The following MYZAP variants were observed in gnomAD, a reference collection of about 807,000 sequenced individuals.
MYZAP encodes the protein GRINL1A complex locus upstream.
MYZAP carries 66 observed loss-of-function variants against 69.4 expected under a neutral mutation model. The ratio of observed to expected loss-of-function variants is 0.95; its 90% confidence interval spans 0.78 to 1.17. The LOEUF (loss-of-function observed/expected upper bound fraction) is 1.17. MYZAP is among the 50% of genes most tolerant of loss of function. The pLI is 0.00. For synonymous variants in MYZAP, 256 were observed against 205.9 expected (o/e 1.24, Z -2.09); for missense variants, 611 against 556.2 (o/e 1.10, Z -0.99).
rs1226990477 is a variant in MYZAP, at chr15:57,684,716, C to T, written c.*218C>T. 6 of 443,828 alleles carry T rather than the reference C, an allele frequency of 1.4e-5. No homozygotes were observed. Among genetic ancestry groups the T allele is most frequent in the Admixed American group, 8.1e-5 (2 of 24,780 alleles). 27.5% of individuals were successfully genotyped at this position (443,828 alleles called of 1,614,324 possible). A position where few individuals can be genotyped will look rare whatever the true frequency, so the allele number is the denominator to read the frequency against. ...CAAGGTCACATTTCAGACACCCACT[C>T]GGCATACCCTGCCGTACTGCATCAT... On this transcript the variant is annotated 3_prime_UTR_variant, in exon 13 of 13. Transcript: ENST00000267853.
chr15:57,592,069 C>G lies in MYZAP; in HGVS notation c.35C>G (p.Ser12Trp). The G allele has an allele frequency of 1.4e-6, 2 of 1,393,282 alleles. No homozygotes were observed. Among genetic ancestry groups the G allele is most frequent in the Non-Finnish European group, 1.9e-6 (2 of 1,077,264 alleles). 86.3% of individuals were successfully genotyped at this position (1,393,282 alleles called of 1,614,324 possible). ...LRSTSTVTLL[S>W]GGAARTPGAP... ...TCCACGTCCACGGTCACCCTGCTCT[C>G]GGGCGGCGCCGCCAGGACGCCCGGG... The change falls in exon 1 of 13, where the codon TCG becomes TGG. Residue 12 changes from serine to tryptophan, a missense_variant. Ser to Trp is a radical substitution (Grantham distance 177, BLOSUM62 -3). Coordinates refer to ENST00000267853, the MANE Select transcript of MYZAP (RefSeq NM_001018100.5).
At chr15:57,621,205 C>CTTTTTTT (rs61201214) in intron 3 of MYZAP, among the ~76,000 whole-genome samples, 71 of 127,286 alleles carry the variant, frequency 5.6e-4, no homozygotes, top group Middle Eastern at 4.5e-3. Context: ...CTTTCTTTTT[C>CTTTTTTT]TTTTTTTTTT....
At chr15:57,666,169 C>T (rs778685604) in intron 11 of MYZAP, among the ~76,000 whole-genome samples, 34 of 152,202 alleles carry the variant, frequency 2.2e-4, no homozygotes, top group Non-Finnish European at 3.7e-4. Flanking sequence ...TTGGGCAAAT[C>T]ATGCCACCAA....
intron 10 of MYZAP, among the ~76,000 whole-genome samples, chr15:57,658,627 A>G (rs573449631): frequency 6.6e-6 from 1 of 152,300 alleles, no homozygotes; most frequent in African/African-American, 2.4e-5. Context: ...GCTTGATTAG[A>G]TCAAGTTTCA....
intron 2 of MYZAP, among the ~76,000 whole-genome samples, chr15:57,607,492 C>T (rs1465228070): frequency 6.6e-6 from 1 of 152,112 alleles, no homozygotes; most frequent in African/African-American, 2.4e-5. Context: ...TTACTGAGCC[C>T]TCATATGCAA....
chr15:57,680,750 G>T (rs186200356), intron 12 of MYZAP: 1 of 152,200 alleles, frequency 6.6e-6, no homozygotes, highest in Non-Finnish European at 1.5e-5. Context: ...GGTGCAATAT[G>T]ATGAAAAATA....
At chr15:57,650,194 T>C (rs2037659375) in intron 10 of MYZAP, among the ~76,000 whole-genome samples, 2 of 152,200 alleles carry the variant, frequency 1.3e-5, no homozygotes, top group East Asian at 3.8e-4. Flanking sequence ...GCTGGAGTTG[T>C]TTCCCCTGTG....
At chr15:57,646,574 T>C (rs184283420) in intron 10 of MYZAP, 28 of 1,011,050 alleles carry the variant, frequency 2.8e-5, no homozygotes, top group Admixed American at 5.7e-5. Flanking sequence ...CAAAGACATC[T>C]GCTAAGGAGA....
chr15:57,599,945 C>A (rs1377245432), intron 1 of MYZAP, among the ~76,000 whole-genome samples: 2 of 152,176 alleles, frequency 1.3e-5, no homozygotes, highest in African/African-American at 4.8e-5. Flanking sequence ...CTCTTCCCGA[C>A]ATATTTTCTC....
intron 2 of MYZAP, among the ~76,000 whole-genome samples, chr15:57,604,601 T>A (rs34160660): frequency 0.012 from 1,802 of 152,310 alleles, 6 homozygotes; most frequent in Non-Finnish European, 0.02. Context: ...TGTGTTACCT[T>A]GAAGCTGCAG....
At chr15:57,629,160 T>C (rs2036346459) in intron 5 of MYZAP, among the ~76,000 whole-genome samples, 1 of 152,064 alleles carries the variant, frequency 6.6e-6, no homozygotes, top group African/African-American at 2.4e-5. Flanking sequence ...GTATTTTGTT[T>C]TCTGATTTCA....
At chr15:57,643,802 G>A (rs986959154) in intron 10 of MYZAP, among the ~76,000 whole-genome samples, 3 of 147,492 alleles carry the variant, frequency 2.0e-5, no homozygotes, top group Non-Finnish European at 3.0e-5. Context: ...ATTTTGTCAT[G>A]TCTTTCTTTT....
At chr15:57,613,692 T>C (rs2035256126) in intron 2 of MYZAP, among the ~76,000 whole-genome samples, 1 of 152,180 alleles carries the variant, frequency 6.6e-6, no homozygotes, top group African/African-American at 2.4e-5. Context: ...TTAAAAAACT[T>C]AATTTTGGAG....
Position 57,677,494 on chromosome 15 carries a change from A to C in MYZAP, c.1304+2426A>C, listed in dbSNP as rs151269504. On this transcript the variant is annotated intron_variant, in intron 12 of 12. Transcript: ENST00000267853. ...ATGTGTAGTTTGAAAATATGTAATA[A>C]ATAGAGAGCTACTAAATGGTGGTGT... is the stretch of plus-strand genomic sequence containing the variant. 2.6e-5 allele frequency among the ~76,000 whole-genome samples: 4 copies of C among 152,348 alleles called. No individual in the cohort carries two copies. The East Asian group carries it at 7.7e-4, about 29-fold the overall frequency.
At chr15:57,646,378 T>A in intron 10 of MYZAP, 1 of 1,174,440 alleles carries the variant, frequency 8.5e-7, no homozygotes, top group African/African-American at 1.6e-5. Context: ...AACACCCACA[T>A]ACTGTCACCC....
At chr15:57,624,562 G>T (rs1329879967) in intron 4 of MYZAP, among the ~76,000 whole-genome samples, 1 of 152,208 alleles carries the variant, frequency 6.6e-6, no homozygotes. Context: ...TGCCATGACT[G>T]TCAGACACCA....
At chr15:57,599,831 A>G (rs1299396905) in intron 1 of MYZAP, 2 of 606,208 alleles carry the variant, frequency 3.3e-6, no homozygotes, top group Non-Finnish European at 5.4e-6. Context: ...TACTGTCCTT[A>G]GTGCTTCTGT....
chr15:57,606,501 T>C (rs1258689901), intron 2 of MYZAP, among the ~76,000 whole-genome samples: 4 of 144,772 alleles, frequency 2.8e-5, no homozygotes, highest in South Asian at 2.1e-4. Flanking sequence ...CTGGATTAGA[T>C]GGTGGCAAAA....
In MYZAP at chr15:57,642,861, C is replaced by A. The variant is rs2037238420; in HGVS notation, c.1119+3316C>A. Among the ~76,000 whole-genome samples, 4 of 152,050 alleles carry A rather than the reference C, an allele frequency of 2.6e-5. No individual in the cohort carries two copies. The South Asian group carries it at 8.3e-4, about 32-fold the overall frequency. On this transcript the variant is annotated intron_variant, in intron 10 of 12. Transcript: ENST00000267853. ...ATTTCCATGGTGGGAGACAGTAGGA[C>A]TTGTACTATGTAGGAAGGGCTCATG...
Sources: gnomAD v4.1 joint callset for allele counts (sites outside exome capture counted in the v4.1 genomes callset) on GRCh38, gnomAD v4.1.1 for gene constraint, MANE v1.5 for transcripts, NCBI Gene and HGNC (gene_info 2026-07-23, HGNC 2026-07-21) for gene names.